Variants in ALDH1A2 observed in about 807,000 individuals in gnomAD.
ALDH1A2 encodes the protein aldehyde dehydrogenase 1 family member A2.
Under a neutral mutation model 60.3 loss-of-function variants are expected in ALDH1A2, and 27 were observed. The ratio of observed to expected loss-of-function variants is 0.45; its 90% CI spans 0.33 to 0.62. The LOEUF is 0.62. Ranked by LOEUF, ALDH1A2 falls within the 20% of genes least tolerant of loss-of-function variation. ALDH1A2 has a pLI of 0.02. For missense variants in ALDH1A2, 581 were observed against 643.8 expected, an observed-to-expected ratio of 0.90 and a Z score of 1.06; for synonymous variants, 289 against 232.4, an observed-to-expected ratio of 1.24 and a Z score of -2.21.
At position 57,997,543 on chromosome 15, in the gene ALDH1A2, G is replaced by C. The variant is rs369051625; in HGVS notation, c.494-2404C>G. ...TTTTAGCAGCACATGTAGGAACCTGGAATGGTTCAGAAAAAAAAACTCACA... is the reference window on the plus strand; with the variant it reads ...TTTTAGCAGCACATGTAGGAACCTGCAATGGTTCAGAAAAAAAAACTCACA... On this transcript the variant is annotated intron_variant, in intron 4 of 12. Transcript: ENST00000249750. 1.4e-4 allele frequency among the ~76,000 whole-genome samples: 21 copies of C among 151,886 alleles called. No homozygotes were observed. The East Asian group carries it at 3.3e-3, about 24-fold the overall frequency.
chr15:58,058,741 C>G (rs988499225), intron 1 of ALDH1A2, among the ~76,000 whole-genome samples: 5 of 152,126 alleles, frequency 3.3e-5, no homozygotes, highest in Admixed American at 2.6e-4. Flanking sequence ...CTCCAAAGGT[C>G]AGACAGTGAT....
In ALDH1A2 at chr15:58,065,667, TC is replaced by T; in HGVS notation, c.-18del. 2 of 1,553,284 alleles carry T rather than the reference TC, an allele frequency of 1.3e-6. No homozygotes were observed. The highest frequency in any genetic ancestry group is 8.7e-7 in the Non-Finnish European group (1 of 1,145,016). On this transcript the variant is annotated 5_prime_UTR_variant, in exon 1 of 13. Transcript: ENST00000249750. The stretch of plus-strand genomic sequence containing the variant: ...GGAAGTCATGGTGGCGGGCCGGGTG[TC>T]CCTAGCCCGCGGCGTGGGGCAGTGC...
At chr15:58,045,411 T>C (rs1181039171) in intron 1 of ALDH1A2, among the ~76,000 whole-genome samples, 1 of 152,106 alleles carries the variant, frequency 6.6e-6, no homozygotes, top group Non-Finnish European at 1.5e-5. Context: ...CCCAAAGGAT[T>C]ATAAATCATG....
intron 7 of ALDH1A2, among the ~76,000 whole-genome samples, chr15:57,972,294 G>A (rs1243518924): frequency 6.6e-6 from 1 of 152,128 alleles, no homozygotes; most frequent in Non-Finnish European, 1.5e-5. Context: ...CTGGGAATTG[G>A]TTCCCCTTTG....
At chr15:58,033,490 T>G (rs1431803548) in intron 1 of ALDH1A2, among the ~76,000 whole-genome samples, 1 of 151,886 alleles carries the variant, frequency 6.6e-6, no homozygotes, top group Non-Finnish European at 1.5e-5. Context: ...ATTTAACAAC[T>G]TCACCTTTAA....
At chr15:57,978,791 C>G (rs1465874051) in intron 7 of ALDH1A2, among the ~76,000 whole-genome samples, 2 of 152,160 alleles carry the variant, frequency 1.3e-5, no homozygotes, top group Non-Finnish European at 2.9e-5. Flanking sequence ...AATCTCAGCA[C>G]TTAGGGAGGC....
At chr15:58,039,785 A>G (rs1187471251) in intron 1 of ALDH1A2, among the ~76,000 whole-genome samples, 1 of 151,790 alleles carries the variant, frequency 6.6e-6, no homozygotes, top group Non-Finnish European at 1.5e-5. Context: ...AGAGAAAAGA[A>G]GAGAACAAAA....
At chr15:58,029,296 T>G (rs202008446) in intron 1 of ALDH1A2, among the ~76,000 whole-genome samples, 2 of 152,254 alleles carry the variant, frequency 1.3e-5, no homozygotes, top group East Asian at 3.9e-4. Context: ...GAATGACTAC[T>G]GGGTAAATAA....
intron 12 of ALDH1A2, among the ~76,000 whole-genome samples, chr15:57,957,722 T>C (rs1026323149): frequency 4.6e-5 from 7 of 152,186 alleles, no homozygotes; most frequent in South Asian, 2.1e-4. Flanking sequence ...AGGTAACCTG[T>C]CAGTCAGTAT....
intron 4 of ALDH1A2, among the ~76,000 whole-genome samples, chr15:57,998,558 C>A (rs1895144830): frequency 6.6e-6 from 1 of 151,992 alleles, no homozygotes; most frequent in Non-Finnish European, 1.5e-5. Context: ...AGAGAGGATA[C>A]AAACAAATGG....
At chr15:57,969,524 AC>A (rs1417153670) in intron 7 of ALDH1A2, among the ~76,000 whole-genome samples, 6 of 152,206 alleles carry the variant, frequency 3.9e-5, no homozygotes, top group African/African-American at 9.6e-5. Context: ...CCTCAGGGAT[AC>A]TGTCCCTCCT....
chr15:58,063,571 T>C (rs1337018402), intron 1 of ALDH1A2, among the ~76,000 whole-genome samples: 1 of 152,154 alleles, frequency 6.6e-6, no homozygotes, highest in African/African-American at 2.4e-5. Flanking sequence ...AAATACTGCT[T>C]GTCCACTATG....
intron 1 of ALDH1A2, among the ~76,000 whole-genome samples, chr15:58,031,897 A>G (rs1466238629): frequency 6.6e-6 from 1 of 152,162 alleles, no homozygotes; most frequent in Non-Finnish European, 1.5e-5. Flanking sequence ...ACACTTTTAC[A>G]CTGTTGGTGG....
In ALDH1A2 at chr15:58,017,786, C is replaced by A. The variant is rs1356318014; in HGVS notation, c.118-3505G>T. Among the ~76,000 whole-genome samples, 7 of 151,860 alleles carry A rather than the reference C, an allele frequency of 4.6e-5. No individual in the cohort carries two copies. In the East Asian group the frequency reaches 1.4e-3, roughly 29 times the overall value. ...CTGTTTTTTTTACCATCTCTTTATTCTTACTTCTGTAAATTATTCATAAAA... is the reference window on the plus strand; with the variant it reads ...CTGTTTTTTTTACCATCTCTTTATTATTACTTCTGTAAATTATTCATAAAA... On this transcript the variant is annotated intron_variant, in intron 1 of 12. Transcript: ENST00000249750.
intron 1 of ALDH1A2, among the ~76,000 whole-genome samples, chr15:58,045,755 G>C (rs1183036918): frequency 1.3e-5 from 2 of 151,842 alleles, no homozygotes; most frequent in Admixed American, 1.3e-4. Flanking sequence ...GGGATGGGGG[G>C]CTAAGTATGG....
chr15:57,974,432 CAA>C (rs61170362), intron 7 of ALDH1A2, among the ~76,000 whole-genome samples: 2 of 96,720 alleles, frequency 2.1e-5, no homozygotes, highest in African/African-American at 4.5e-5. Flanking sequence ...GACTCCATCT[CAA>C]AAAAAAAAAA....
chr15:57,977,924 G>C (rs1264687940), intron 7 of ALDH1A2, among the ~76,000 whole-genome samples: 7 of 152,140 alleles, frequency 4.6e-5, no homozygotes, highest in Admixed American at 6.5e-5. Flanking sequence ...TCTCTTCTAA[G>C]TTTTATTCCT....
chr15:57,992,632 G>A, intron 7 of ALDH1A2, 73 bp downstream of exon 7: 1 of 1,391,984 alleles, frequency 7.2e-7, no homozygotes, highest in East Asian at 2.3e-5. Context: ...ATGGGTACTA[G>A]TTTTATTGTT....
chr15:58,033,682 CT>C (rs5812918), intron 1 of ALDH1A2, among the ~76,000 whole-genome samples: 63,496 of 134,370 alleles, frequency 0.47, 14,665 homozygotes, highest in South Asian at 0.72. Context: ...TGTTAGGACT[CT>C]TTTTTTTTTT....
Sources: allele counts gnomAD v4.1 joint callset (sites outside exome capture counted in the v4.1 genomes callset), GRCh38; gene constraint gnomAD v4.1.1; transcripts MANE v1.5; gene names NCBI Gene and HGNC (gene_info 2026-07-23, HGNC 2026-07-21).